The following DOCK3 variants were observed in gnomAD, a reference collection of about 807,000 sequenced individuals.
DOCK3 encodes the protein dedicator of cytokinesis 3.
Under a neutral mutation model 265.6 loss-of-function variants are expected in DOCK3, and 60 were observed. The ratio of observed to expected loss-of-function variants is 0.23; its 90% CI spans 0.18 to 0.28. The LOEUF (loss-of-function observed/expected upper bound fraction) is 0.28. DOCK3 is among the 10% of genes least tolerant of loss of function. The pLI is 1.00. For missense variants in DOCK3, 1,981 were observed against 2,594.3 expected (o/e 0.76, Z 5.14); for synonymous variants, 881 against 938.0 (o/e 0.94, Z 1.11).
chr3:51,326,656 T>C (rs1258055840), intron 32 of DOCK3, among the ~76,000 whole-genome samples: 1 of 139,400 alleles, frequency 7.2e-6, no homozygotes, highest in Non-Finnish European at 1.6e-5. Context: ...AGTTTCCCTC[T>C]TGTTGCCCAG....
chr3:51,000,956 T>C (rs2078464551), intron 5 of DOCK3, among the ~76,000 whole-genome samples: 2 of 152,242 alleles, frequency 1.3e-5, no homozygotes, highest in East Asian at 1.9e-4. Context: ...CCCAGCCTGT[T>C]CTGCCATTTT....
At chr3:51,356,036 C>G in intron 41 of DOCK3, 53 bp from the exon 42 acceptor site, 1 of 1,609,238 alleles carries the variant, frequency 6.2e-7, no homozygotes, top group Non-Finnish European at 8.5e-7. Flanking sequence ...CAGGGGTCAG[C>G]CTCTCAGGCC....
intron 27 of DOCK3, among the ~76,000 whole-genome samples, chr3:51,286,201 G>A (rs770518303): frequency 2.2e-4 from 34 of 152,204 alleles, no homozygotes; most frequent in South Asian, 8.3e-4. Flanking sequence ...AATTAAGAAC[G>A]TAATTCCATT....
At chr3:50,788,195 G>T (rs1228107700) in intron 2 of DOCK3, 5 of 750,722 alleles carry the variant, frequency 6.7e-6, no homozygotes, top group Non-Finnish European at 4.1e-6. Flanking sequence ...GATGGCACTT[G>T]CCCATGACGG....
chr3:51,206,792 C>T (rs1472274861), intron 12 of DOCK3, among the ~76,000 whole-genome samples: 2 of 151,888 alleles, frequency 1.3e-5, no homozygotes, highest in African/African-American at 2.4e-5. Context: ...GTAAAAGGCC[C>T]ATTAGAAGAT....
intron 9 of DOCK3, among the ~76,000 whole-genome samples, chr3:51,112,996 C>CTT (rs978293952): frequency 4.3e-5 from 6 of 138,664 alleles, no homozygotes; most frequent in Non-Finnish European, 9.4e-5. Context: ...ACATTTACTT[C>CTT]TTATAAATTT....
intron 5 of DOCK3, among the ~76,000 whole-genome samples, chr3:50,954,704 T>C (rs971361098): frequency 6.6e-6 from 1 of 152,128 alleles, no homozygotes; most frequent in African/African-American, 2.4e-5. Context: ...TTTAAGTTCC[T>C]TGTAGATGAT....
At chr3:51,375,927 C>A in intron 51 of DOCK3, 92 bp downstream of exon 51, 1 of 1,273,476 alleles carries the variant, frequency 7.9e-7, no homozygotes, top group Non-Finnish European at 1.1e-6. Flanking sequence ...AGGGCTAAGC[C>A]ATACTTCAAC....
At chr3:51,024,473 G>A (rs137954658) in intron 5 of DOCK3, among the ~76,000 whole-genome samples, 1 of 152,168 alleles carries the variant, frequency 6.6e-6, no homozygotes, top group South Asian at 2.1e-4. Context: ...AGGTAACTGG[G>A]GGGTCAGGGG....
At chr3:51,113,037 C>A (rs1391265228) in intron 9 of DOCK3, among the ~76,000 whole-genome samples, 1 of 151,876 alleles carries the variant, frequency 6.6e-6, no homozygotes, top group Non-Finnish European at 1.5e-5. Flanking sequence ...CTATAATATT[C>A]TTCTTGTTTA....
At chr3:51,141,862 CCA>C (rs904471092) in intron 9 of DOCK3, among the ~76,000 whole-genome samples, 5 of 152,030 alleles carry the variant, frequency 3.3e-5, no homozygotes, top group African/African-American at 1.2e-4. Flanking sequence ...TATGTTTTTG[CCA>C]CTTTTTCACT....
rs558503225 is a variant in DOCK3, at chr3:50,779,968, A to G, written c.121+1210A>G. 3.3e-5 allele frequency among the ~76,000 whole-genome samples: 5 copies of G among 152,310 alleles called. No homozygotes were observed. In the South Asian group the frequency reaches 1.0e-3, roughly 32 times the overall value. On this transcript the variant is annotated intron_variant, in intron 2 of 52. Coordinates refer to ENST00000266037, the MANE Select transcript of DOCK3 (RefSeq NM_004947.5). ...GAAGTAGAACTGTTGCAGTGTGGGTATAGAGCCAATGTATATGGGAGTGGA... is the reference window on the plus strand; with the variant it reads ...GAAGTAGAACTGTTGCAGTGTGGGTGTAGAGCCAATGTATATGGGAGTGGA...
intron 22 of DOCK3, among the ~76,000 whole-genome samples, chr3:51,249,647 GT>G (rs1193142721): frequency 5.9e-4 from 11 of 18,544 alleles, no homozygotes; most frequent in African/African-American, 9.7e-4. Context: ...CGGGAGGGAG[GT>G]GGGGGGGGGT....
Position 51,356,125 on chromosome 3 carries a change from A to T in DOCK3, c.4286A>T (p.Tyr1429Phe), listed in dbSNP as rs746482152. Residue 1429 changes from tyrosine (Y) to phenylalanine (F), a missense_variant, in exon 42 of 53, where the codon TAT becomes TTT. By Grantham distance (22) the Tyr-to-Phe change is conservative. Around this residue, in one of 4 missense-constraint regions of DOCK3, gnomAD observed 1,357 missense variants for 1,866.8 expected, o/e 0.73. Coordinates refer to ENST00000266037, the MANE Select transcript of DOCK3 (RefSeq NM_004947.5). ...QIYAVTPIPDYVDVLQMDRVP... is the reference protein window; with the variant it reads ...QIYAVTPIPDFVDVLQMDRVP... ...TATGCAGTGACGCCCATTCCAGATTATGTGGATGTTCTGCAGATGGATAGG... is the reference window on the plus strand; with the variant it reads ...TATGCAGTGACGCCCATTCCAGATTTTGTGGATGTTCTGCAGATGGATAGG... 1.2e-6 allele frequency: 2 copies of T among 1,613,928 alleles called. No homozygotes were observed. The highest frequency in any genetic ancestry group is 2.2e-5 in the South Asian group (2 of 91,084).
chr3:51,353,225 G>A (rs1331678410), intron 40 of DOCK3, among the ~76,000 whole-genome samples: 3 of 152,210 alleles, frequency 2.0e-5, no homozygotes, highest in Admixed American at 2.0e-4. Flanking sequence ...CTACTGGTCT[G>A]TTCCACTGGA....
intron 9 of DOCK3, among the ~76,000 whole-genome samples, chr3:51,131,182 A>G (rs2084515701): frequency 6.6e-6 from 1 of 152,154 alleles, no homozygotes; most frequent in Non-Finnish European, 1.5e-5. Flanking sequence ...GGAAATGACC[A>G]CAGGCTCAGT....
chr3:50,978,864 C>T (rs931556542), intron 5 of DOCK3, among the ~76,000 whole-genome samples: 4 of 152,212 alleles, frequency 2.6e-5, no homozygotes, highest in African/African-American at 7.2e-5. Context: ...GTTTTTTAAG[C>T]CCGTCGGAAA....
chr3:50,829,964 A>G (rs745716863), intron 2 of DOCK3, among the ~76,000 whole-genome samples: 1 of 152,198 alleles, frequency 6.6e-6, no homozygotes, highest in Admixed American at 6.5e-5. Flanking sequence ...ATATAACTAA[A>G]CTGTGCAAAT....
At chr3:50,726,052 A>G (rs1255964391) in intron 1 of DOCK3, among the ~76,000 whole-genome samples, 1 of 152,186 alleles carries the variant, frequency 6.6e-6, no homozygotes, top group Admixed American at 6.5e-5. Flanking sequence ...TAACCTGTGC[A>G]CATCCTCCCA....
Sources: gnomAD v4.1 joint callset for allele counts (sites outside exome capture counted in the v4.1 genomes callset) on GRCh38, gnomAD v4.1.1 for gene constraint, gnomAD v4.1.1 regional missense constraint, MANE v1.5 for transcripts, NCBI Gene and HGNC (gene_info 2026-07-23, HGNC 2026-07-21) for gene names.